Variants in PTER observed in about 807,000 individuals in gnomAD.
PTER encodes N-acetyltaurine hydrolase.
Under a neutral mutation model 29.6 loss-of-function variants are expected in PTER, and 38 were observed. The ratio of observed to expected loss-of-function variants is 1.28; its 90% CI spans 0.99 to 1.68. The LOEUF (loss-of-function observed/expected upper bound fraction) is 1.68. Among genes scored for constraint, PTER ranks in the 40% most tolerant of loss-of-function variants. The pLI is 0.00. For missense variants in PTER, 482 were observed against 427.8 expected (o/e 1.13, Z -1.12); for synonymous variants, 172 against 154.5 (o/e 1.11, Z -0.84).
rs182178957 is a variant in PTER at position 16,470,188 on chromosome 10, C to A, written c.-48-14149C>A. On this transcript the variant is annotated intron_variant, in intron 1 of 4. Coordinates refer to ENST00000535784, the MANE Select transcript of PTER (RefSeq NM_001261836.2). ...AGTTTCTTAACTTTTCTTGGCCTTA[C>A]TTTCCTCATAGAATATCAAGCCAGC... is the stretch of plus-strand genomic sequence containing the variant. Among the ~76,000 whole-genome samples the A allele has an allele frequency of 6.6e-5, 10 of 152,260 alleles. No individual in the cohort carries two copies. The East Asian group carries it at 1.9e-3, about 29-fold the overall frequency.
At chr10:16,442,497 A>G (rs1833882396) in intron 1 of PTER, among the ~76,000 whole-genome samples, 1 of 152,198 alleles carries the variant, frequency 6.6e-6, no homozygotes, top group African/African-American at 2.4e-5. Context: ...TTGGCCATGC[A>G]CGGTGGCTCA....
At chr10:16,478,893 C>A (rs1835377537) in intron 1 of PTER, among the ~76,000 whole-genome samples, 1 of 152,078 alleles carries the variant, frequency 6.6e-6, no homozygotes, top group Admixed American at 6.5e-5. Flanking sequence ...TTAAGATGAA[C>A]ACCTCACATC....
At chr10:16,460,917 A>G (rs1834589710) in intron 1 of PTER, among the ~76,000 whole-genome samples, 1 of 152,072 alleles carries the variant, frequency 6.6e-6, no homozygotes, top group Non-Finnish European at 1.5e-5. Context: ...GGGTTTCACC[A>G]TGTTGGCCAG....
At chr10:16,473,519 G>GAAAAAAAAAAAAAAAAAAAA (rs72001271) in intron 1 of PTER, among the ~76,000 whole-genome samples, 1 of 28,156 alleles carries the variant, frequency 3.6e-5, no homozygotes, top group Non-Finnish European at 6.0e-5. Flanking sequence ...GACTCCATCC[G>GAAAAAAAAAAAAAAAAAAAA]AAAAAAAAAA....
chr10:16,439,366 A>G lies in PTER; in HGVS notation c.-49+2319A>G, dbSNP rs184356618. Among the ~76,000 whole-genome samples, 13 of 152,336 alleles carry G rather than the reference A, an allele frequency of 8.5e-5. No individual in the cohort carries two copies. In the East Asian group the frequency reaches 2.1e-3, roughly 25 times the overall value. On this transcript the variant is annotated intron_variant, in intron 1 of 4. Transcript: ENST00000535784. ...GCATTTCTGAAAAAAAATGCAATTTAATATCCTTTGAAGTGTCAGTAAATT... is the reference window on the plus strand; with the variant it reads ...GCATTTCTGAAAAAAAATGCAATTTGATATCCTTTGAAGTGTCAGTAAATT...
chr10:16,444,161 C>G (rs1833940891), intron 1 of PTER, among the ~76,000 whole-genome samples: 1 of 151,960 alleles, frequency 6.6e-6, no homozygotes, highest in African/African-American at 2.4e-5. Flanking sequence ...GCCACCATGC[C>G]CAGCTAACTT....
At chr10:16,482,439 A>G (rs370122351) in intron 1 of PTER, among the ~76,000 whole-genome samples, 2 of 152,254 alleles carry the variant, frequency 1.3e-5, no homozygotes, top group African/African-American at 4.8e-5. Context: ...CAAAGCTACT[A>G]TTTGTTGAAT....
At chr10:16,457,425 C>T (rs949835385) in intron 1 of PTER, among the ~76,000 whole-genome samples, 1 of 151,992 alleles carries the variant, frequency 6.6e-6, no homozygotes, top group African/African-American at 2.4e-5. Context: ...GTGTTAGCCA[C>T]GATGGTCTCG....
At chr10:16,454,663 A>C (rs1327650757) in intron 1 of PTER, among the ~76,000 whole-genome samples, 1 of 142,902 alleles carries the variant, frequency 7.0e-6, no homozygotes, top group South Asian at 2.4e-4. Context: ...AGAGAGAAAA[A>C]CATATTTTTC....
At chr10:16,480,756 G>A (rs1367571627) in intron 1 of PTER, among the ~76,000 whole-genome samples, 7 of 152,166 alleles carry the variant, frequency 4.6e-5, no homozygotes, top group Admixed American at 3.9e-4. Flanking sequence ...GGGTGAAATA[G>A]CTGTGAGGAA....
Position 16,513,454 on chromosome 10 carries a change from A to T in PTER, c.*2198A>T, listed in dbSNP as rs890236047. 6.6e-6 allele frequency: 1 copy of T among 151,404 alleles called. No individual in the cohort carries two copies. The highest frequency in any genetic ancestry group is 1.5e-5 in the Non-Finnish European group (1 of 67,714). 9.4% of individuals were successfully genotyped at this position (151,404 alleles called of 1,614,324 possible). A position where few individuals can be genotyped will look rare whatever the true frequency, so the allele number is the denominator to read the frequency against. ...ATAAATAAAACATTTCATCTAATAT[A>T]TATATGTGTGTGTGAGTATATGTGT... On this transcript the variant is annotated 3_prime_UTR_variant, in exon 5 of 5. Coordinates refer to ENST00000535784, the MANE Select transcript of PTER (RefSeq NM_001261836.2).
At chr10:16,467,363 T>C (rs1056145583) in intron 1 of PTER, among the ~76,000 whole-genome samples, 4 of 152,164 alleles carry the variant, frequency 2.6e-5, no homozygotes, top group African/African-American at 9.7e-5. Flanking sequence ...TAGGTACTAT[T>C]TGCGGTTTCA....
At chr10:16,473,183 T>C (rs1835118794) in intron 1 of PTER, among the ~76,000 whole-genome samples, 1 of 152,008 alleles carries the variant, frequency 6.6e-6, no homozygotes, top group East Asian at 1.9e-4. Flanking sequence ...GTCTCACTGA[T>C]GCAAAATAAA....
At chr10:16,457,760 T>A (rs1340819715) in intron 1 of PTER, among the ~76,000 whole-genome samples, 3 of 151,180 alleles carry the variant, frequency 2.0e-5, no homozygotes, top group Non-Finnish European at 3.0e-5. Context: ...CCACCACACC[T>A]GTAGTGTGGT....
chr10:16,501,049 A>G (rs1219800827), intron 3 of PTER, among the ~76,000 whole-genome samples: 1 of 151,972 alleles, frequency 6.6e-6, no homozygotes, highest in Non-Finnish European at 1.5e-5. Flanking sequence ...CTTCTGCCTC[A>G]TCCTCCTGAG....
Position 16,484,452 on chromosome 10 carries a change from C to T in PTER, c.68C>T (p.Thr23Ile), listed in dbSNP as rs1452598980. The T allele has an allele frequency of 6.2e-7, 1 of 1,614,028 alleles. No individual in the cohort carries two copies. The highest frequency in any genetic ancestry group is 1.7e-5 in the Admixed American group (1 of 60,002). The change falls in exon 2 of 5, where the codon ACC becomes ATC. Residue 23 changes from threonine to isoleucine, a missense_variant. Thr to Ile is a moderately conservative substitution (Grantham distance 89). Coordinates refer to ENST00000535784, the MANE Select transcript of PTER (RefSeq NM_001261836.2). ...GLVEPSKLGRTLTHEHLAMTF... is the reference protein window; with the variant it reads ...GLVEPSKLGRILTHEHLAMTF... The stretch of plus-strand genomic sequence containing the variant: ...GTAGAGCCAAGCAAACTGGGCCGTA[C>T]CCTGACCCATGAACACCTGGCCATG...
chr10:16,513,307 G>A lies in PTER; in HGVS notation c.*2051G>A, dbSNP rs1478069448. On this transcript the variant is annotated 3_prime_UTR_variant, in exon 5 of 5. Coordinates refer to ENST00000535784, the MANE Select transcript of PTER (RefSeq NM_001261836.2). ...ACCCAAAATAAGTTAAATAATTTGT[G>A]CATGTTTGTGTGTGTATATATGCAT... is the stretch of plus-strand genomic sequence containing the variant. 1.3e-5 allele frequency: 2 copies of A among 152,406 alleles called. No individual in the cohort carries two copies. Among genetic ancestry groups the A allele is most frequent in the African/African-American group, 2.4e-5 (1 of 41,384 alleles). 9.4% of individuals were successfully genotyped at this position (152,406 alleles called of 1,614,324 possible).
chr10:16,493,393 T>A (rs2133471329), intron 3 of PTER, among the ~76,000 whole-genome samples: 1 of 152,288 alleles, frequency 6.6e-6, no homozygotes, highest in African/African-American at 2.4e-5. Flanking sequence ...ATCCTATGAA[T>A]ATGACACTGA....
At chr10:16,466,748 G>A (rs945974234) in intron 1 of PTER, among the ~76,000 whole-genome samples, 4 of 152,220 alleles carry the variant, frequency 2.6e-5, no homozygotes, top group African/African-American at 9.6e-5. Flanking sequence ...AGGACCTGGG[G>A]AGACTTGTGT....
Sources: allele counts gnomAD v4.1 joint callset (sites outside exome capture counted in the v4.1 genomes callset), GRCh38; gene constraint gnomAD v4.1.1; transcripts MANE v1.5; gene names NCBI Gene and HGNC (gene_info 2026-07-23, HGNC 2026-07-21).